The following TAFA2 variants were observed in gnomAD, a reference collection of about 807,000 sequenced individuals.
The protein encoded by TAFA2 is TAFA chemokine like family member 2.
In TAFA2, 7 loss-of-function variants were observed where a neutral mutation model predicts 18.8. That is an observed-to-expected ratio of 0.37 (90% CI 0.21 to 0.70). The LOEUF (loss-of-function observed/expected upper bound fraction) is 0.70. TAFA2 is among the 30% of genes least tolerant of loss of function. The probability of loss-of-function intolerance (pLI) is 0.53; values close to 1 mark genes in which losing one functional copy is unlikely to be tolerated. For missense variants in TAFA2, 122 were observed against 158.1 expected (o/e 0.77, Z 1.23); for synonymous variants, 60 against 54.2 (o/e 1.11, Z -0.47).
chr12:62,245,341 C>A (rs1353241869), intron 1 of TAFA2, among the ~76,000 whole-genome samples: 1 of 151,752 alleles, frequency 6.6e-6, no homozygotes, highest in African/African-American at 2.4e-5. Context: ...TTTGTCCATC[C>A]CTTACTAATA....
At chr12:61,988,955 T>C (rs1445858509) in intron 1 of TAFA2, among the ~76,000 whole-genome samples, 3 of 152,244 alleles carry the variant, frequency 2.0e-5, no homozygotes, top group African/African-American at 7.2e-5. Context: ...TACAGGGTTC[T>C]TGTGAGCAAG....
intron 1 of TAFA2, among the ~76,000 whole-genome samples, chr12:61,975,714 AC>A (rs1019208702): frequency 1.6e-4 from 24 of 151,854 alleles, no homozygotes; most frequent in African/African-American, 5.5e-4. Context: ...ATCAACAGGG[AC>A]CCATCTGATG....
intron 1 of TAFA2, among the ~76,000 whole-genome samples, chr12:61,903,292 A>T (rs998485279): frequency 2.0e-5 from 3 of 151,778 alleles, no homozygotes; most frequent in African/African-American, 7.3e-5. Context: ...CCCCTCCCTC[A>T]CTTCCTTTGT....
intron 1 of TAFA2, among the ~76,000 whole-genome samples, chr12:62,042,524 A>G (rs1309678344): frequency 6.6e-6 from 1 of 151,864 alleles, no homozygotes; most frequent in Non-Finnish European, 1.5e-5. Flanking sequence ...GCTGGAATAG[A>G]GCCTTGCCCT....
intron 2 of TAFA2, among the ~76,000 whole-genome samples, chr12:61,825,420 G>C (rs1337406200): frequency 6.6e-6 from 1 of 152,086 alleles, no homozygotes; most frequent in African/African-American, 2.4e-5. Context: ...TTTGTGGGGA[G>C]AAAATAGCTG....
At chr12:62,244,636 T>C (rs1255141295) in intron 1 of TAFA2, among the ~76,000 whole-genome samples, 7 of 152,162 alleles carry the variant, frequency 4.6e-5, no homozygotes, top group Admixed American at 4.6e-4. Context: ...TCTACAACTT[T>C]ACTAAACACC....
intron 1 of TAFA2, among the ~76,000 whole-genome samples, chr12:61,899,605 G>T (rs1298283919): frequency 6.6e-6 from 1 of 152,120 alleles, no homozygotes; most frequent in Non-Finnish European, 1.5e-5. Flanking sequence ...CTGTCTCCAT[G>T]ATCCAATCAC....
rs894983079 is a variant in TAFA2, at chr12:61,883,179, A to T, written c.-1-15753T>A. 2.0e-5 allele frequency among the ~76,000 whole-genome samples: 3 copies of T among 152,200 alleles called. No homozygotes were observed. The East Asian group carries it at 5.8e-4, about 29-fold the overall frequency. ...TTGATGATAACATAGTAAACAAAAA[A>T]AATTCATCTTTCAGCTAGTAAGTAG... is the stretch of plus-strand genomic sequence containing the variant. On this transcript the variant is annotated intron_variant, in intron 1 of 4. Transcript: ENST00000416284.
chr12:62,157,859 T>G (rs1338716668), intron 1 of TAFA2, among the ~76,000 whole-genome samples: 1 of 152,208 alleles, frequency 6.6e-6, no homozygotes, highest in East Asian at 1.9e-4. Flanking sequence ...TCCCGCTGAT[T>G]AGACTATAAC....
chr12:61,996,401 A>G (rs1234334093), intron 1 of TAFA2, among the ~76,000 whole-genome samples: 2 of 152,164 alleles, frequency 1.3e-5, no homozygotes, highest in Admixed American at 6.5e-5. Flanking sequence ...CCTTCACCTC[A>G]GCTTTCTACC....
intron 2 of TAFA2, among the ~76,000 whole-genome samples, chr12:61,833,814 A>G (rs1171040519): frequency 6.6e-6 from 1 of 151,896 alleles, no homozygotes; most frequent in African/African-American, 2.4e-5. Flanking sequence ...CCTTCATTTC[A>G]TTATGCTTTT....
intron 1 of TAFA2, among the ~76,000 whole-genome samples, chr12:62,099,049 A>T (rs1869073011): frequency 6.6e-6 from 1 of 152,222 alleles, no homozygotes; most frequent in African/African-American, 2.4e-5. Flanking sequence ...GGTAGCTCAC[A>T]TAAAATTATT....
intron 4 of TAFA2, among the ~76,000 whole-genome samples, chr12:61,714,463 A>G (rs1226242438): frequency 2.6e-5 from 4 of 152,166 alleles, no homozygotes; most frequent in Non-Finnish European, 5.9e-5. Context: ...ATTAAGCAAA[A>G]AGTAGTAATT....
In TAFA2 at chr12:61,721,049, CA is replaced by C. The variant is rs200896842; in HGVS notation, c.385-10633del. 3,474 of 422,440 alleles carry C rather than the reference CA, an allele frequency of 8.2e-3. 111 individuals are homozygous for C. Among genetic ancestry groups the C allele is most frequent in the African/African-American group, 0.065 (3,167 of 48,586 alleles). 26.2% of individuals were successfully genotyped at this position (422,440 alleles called of 1,614,324 possible). A position where few individuals can be genotyped will look rare whatever the true frequency, so the allele number is the denominator to read the frequency against. The stretch of plus-strand genomic sequence containing the variant: ...ACAAGACAATAATGTCCTTTACCTC[CA>C]AAAAAGCTCACAGTGGGGATAGGTT... On this transcript the variant is annotated intron_variant, in intron 4 of 4. Transcript: ENST00000416284.
At chr12:61,969,979 C>T (rs1338543032) in intron 1 of TAFA2, among the ~76,000 whole-genome samples, 2 of 151,552 alleles carry the variant, frequency 1.3e-5, no homozygotes, top group African/African-American at 4.8e-5. Context: ...AAAGGAAATA[C>T]GGTTGGACTA....
chr12:62,059,075 C>A (rs995399543), intron 1 of TAFA2, among the ~76,000 whole-genome samples: 4 of 151,030 alleles, frequency 2.6e-5, no homozygotes, highest in Non-Finnish European at 5.9e-5. Flanking sequence ...TGCACTCCAG[C>A]CTGGGTGACA....
intron 2 of TAFA2, among the ~76,000 whole-genome samples, chr12:61,757,746 G>T (rs1451756667): frequency 2.0e-5 from 3 of 151,900 alleles, no homozygotes; most frequent in East Asian, 3.9e-4. Flanking sequence ...AGAAATAGAA[G>T]ACAAAAGAAT....
intron 2 of TAFA2, among the ~76,000 whole-genome samples, chr12:61,865,629 A>C (rs374997491): frequency 2.0e-5 from 3 of 152,232 alleles, no homozygotes; most frequent in East Asian, 3.8e-4. Flanking sequence ...AAAAGATCTT[A>C]GTTTCAGAGT....
chr12:61,977,479 C>T (rs571003145), intron 1 of TAFA2, among the ~76,000 whole-genome samples: 4 of 152,034 alleles, frequency 2.6e-5, no homozygotes, highest in Admixed American at 2.0e-4. Flanking sequence ...CAAGTGTGCA[C>T]TGAATGTCAT....
Sources: gnomAD v4.1 joint callset for allele counts (sites outside exome capture counted in the v4.1 genomes callset) on GRCh38, gnomAD v4.1.1 for gene constraint, MANE v1.5 for transcripts, NCBI Gene and HGNC (gene_info 2026-07-23, HGNC 2026-07-21) for gene names.